Variants in BNC2 observed in about 807,000 individuals in gnomAD.
BNC2 encodes the protein basonuclin zinc finger protein 2, also known as zinc finger protein basonuclin-2.
In BNC2, 20 loss-of-function variants were observed where a neutral mutation model predicts 76.3. The ratio of observed to expected loss-of-function variants is 0.26; its 90% CI spans 0.18 to 0.38. The LOEUF is 0.38. Among genes scored for constraint, BNC2 ranks in the 10% least tolerant of loss-of-function variants. BNC2 has a pLI of 1.00. For synonymous variants in BNC2, 582 were observed against 514.8 expected, an observed-to-expected ratio of 1.13 and a Z score of -1.77; for missense variants, 1,382 against 1,399.8, an observed-to-expected ratio of 0.99 and a Z score of 0.20.
intron 1 of BNC2, among the ~76,000 whole-genome samples, chr9:16,783,919 G>T (rs1175404874): frequency 1.3e-5 from 2 of 151,860 alleles, no homozygotes; most frequent in Admixed American, 1.3e-4. Flanking sequence ...TTAAAATATC[G>T]ATACATATAT....
chr9:16,569,287 T>C (rs1819253093), intron 4 of BNC2, among the ~76,000 whole-genome samples: 1 of 152,134 alleles, frequency 6.6e-6, no homozygotes, highest in Non-Finnish European at 1.5e-5. Flanking sequence ...TCTCATGGTT[T>C]ATTATGAATG....
intron 1 of BNC2, among the ~76,000 whole-genome samples, chr9:16,814,137 G>C (rs1563955661): frequency 6.6e-6 from 1 of 152,196 alleles, no homozygotes; most frequent in Non-Finnish European, 1.5e-5. Context: ...TTTGTAGGTT[G>C]CTCTGACACT....
At chr9:16,611,920 C>T (rs1220825312) in intron 3 of BNC2, among the ~76,000 whole-genome samples, 1 of 152,038 alleles carries the variant, frequency 6.6e-6, no homozygotes, top group Non-Finnish European at 1.5e-5. Flanking sequence ...AATATTCCTC[C>T]ATATAAAAAT....
chr9:16,859,554 T>C (rs2136199621), intron 1 of BNC2, among the ~76,000 whole-genome samples: 1 of 152,316 alleles, frequency 6.6e-6, no homozygotes, highest in Non-Finnish European at 1.5e-5. Flanking sequence ...ACAACATAAA[T>C]GAACCTTAAG....
At chr9:16,731,363 G>C (rs1824499040) in intron 2 of BNC2, among the ~76,000 whole-genome samples, 1 of 152,132 alleles carries the variant, frequency 6.6e-6, no homozygotes, top group South Asian at 2.1e-4. Flanking sequence ...AGTGAGAGAT[G>C]GACCATGGAA....
intron 3 of BNC2, among the ~76,000 whole-genome samples, chr9:16,659,017 T>C (rs1433469672): frequency 6.6e-6 from 1 of 152,212 alleles, no homozygotes; most frequent in African/African-American, 2.4e-5. Context: ...TGATTAAACT[T>C]AAGCATGAAT....
chr9:16,692,607 C>T (rs1823206378), intron 3 of BNC2, among the ~76,000 whole-genome samples: 1 of 152,118 alleles, frequency 6.6e-6, no homozygotes, highest in Admixed American at 6.6e-5. Flanking sequence ...CCAATGAAGG[C>T]TGAGAACTTT....
At chr9:16,755,223 C>G (rs1825345910) in intron 1 of BNC2, among the ~76,000 whole-genome samples, 1 of 152,098 alleles carries the variant, frequency 6.6e-6, no homozygotes, top group Non-Finnish European at 1.5e-5. Flanking sequence ...TGAGAAGACA[C>G]ATGGCCTCAA....
At chr9:16,553,372 G>T (rs1334344730) in intron 4 of BNC2, among the ~76,000 whole-genome samples, 1 of 152,116 alleles carries the variant, frequency 6.6e-6, no homozygotes, top group African/African-American at 2.4e-5. Context: ...GCTATAGGGG[G>T]TTATCCAAAA....
chr9:16,780,252 A>AC (rs1443524678), intron 1 of BNC2, among the ~76,000 whole-genome samples: 22 of 134,866 alleles, frequency 1.6e-4, no homozygotes, highest in Admixed American at 5.1e-4. Flanking sequence ...AAAAAAAAAA[A>AC]AAAACAAAAA....
At chr9:16,675,254 A>ATT (rs112364703) in intron 3 of BNC2, among the ~76,000 whole-genome samples, 1 of 147,320 alleles carries the variant, frequency 6.8e-6, no homozygotes, top group African/African-American at 2.5e-5. Flanking sequence ...AATTGAGTTA[A>ATT]TTTTTTTTTT....
At chr9:16,488,369 A>C (rs896035972) in intron 5 of BNC2, among the ~76,000 whole-genome samples, 1 of 152,214 alleles carries the variant, frequency 6.6e-6, no homozygotes, top group Non-Finnish European at 1.5e-5. Context: ...ACAGCTAAAT[A>C]GGGTTTACGT....
intron 1 of BNC2, among the ~76,000 whole-genome samples, chr9:16,750,305 A>T (rs1825151087): frequency 6.6e-6 from 1 of 152,200 alleles, no homozygotes; most frequent in Non-Finnish European, 1.5e-5. Flanking sequence ...CTACCTAAAA[A>T]TATTTTCTGA....
At chr9:16,842,705 T>C (rs919075963) in intron 1 of BNC2, among the ~76,000 whole-genome samples, 1 of 151,932 alleles carries the variant, frequency 6.6e-6, no homozygotes, top group African/African-American at 2.4e-5. Context: ...TAGGAATTCA[T>C]TGTATTTTTT....
intron 4 of BNC2, among the ~76,000 whole-genome samples, chr9:16,570,408 C>T (rs1385108811): frequency 3.3e-5 from 5 of 152,210 alleles, no homozygotes; most frequent in Non-Finnish European, 7.4e-5. Context: ...GTTTTCCCCA[C>T]TGTAATCCCT....
At chr9:16,675,633 C>T (rs962547848) in intron 3 of BNC2, among the ~76,000 whole-genome samples, 1 of 152,098 alleles carries the variant, frequency 6.6e-6, no homozygotes, top group African/African-American at 2.4e-5. Context: ...AGGAATAAAA[C>T]CTAGTAAATT....
At chr9:16,506,125 C>G (rs375583459) in intron 5 of BNC2, among the ~76,000 whole-genome samples, 1 of 152,090 alleles carries the variant, frequency 6.6e-6, no homozygotes, top group Non-Finnish European at 1.5e-5. Context: ...CCCATTAAAA[C>G]TTGGATGGAA....
At chr9:16,556,102 T>A (rs1162615580) in intron 4 of BNC2, among the ~76,000 whole-genome samples, 1 of 151,268 alleles carries the variant, frequency 6.6e-6, no homozygotes, top group Non-Finnish European at 1.5e-5. Context: ...GAGTTTGAGA[T>A]CAGCTTAGGC....
chr9:16,747,629 G>A (rs1825050655), intron 1 of BNC2, among the ~76,000 whole-genome samples: 1 of 152,176 alleles, frequency 6.6e-6, no homozygotes, highest in South Asian at 2.1e-4. Flanking sequence ...AAGTTGGTCT[G>A]ATTTCAAAAT....
Sources: allele counts gnomAD v4.1 joint callset (sites outside exome capture counted in the v4.1 genomes callset), GRCh38; gene constraint gnomAD v4.1.1; transcripts MANE v1.5; gene names NCBI Gene and HGNC (gene_info 2026-07-23, HGNC 2026-07-21).